The following CAST variants were observed in gnomAD, a reference collection of about 807,000 sequenced individuals.
The protein encoded by CAST is calpastatin, also known as MIR583 host.
A neutral mutation model predicts 119.6 loss-of-function variants in CAST; 76 were observed. The observed-to-expected ratio is 0.64, with a 90% CI of 0.53 to 0.77. The LOEUF (loss-of-function observed/expected upper bound fraction) is 0.77, where lower values mean the gene tolerates loss of function less well. Among genes scored for constraint, CAST ranks in the 30% least tolerant of loss-of-function variants. The pLI is 0.00. For missense variants in CAST, 953 were observed against 946.5 expected, an observed-to-expected ratio of 1.01 and a Z score of -0.09; for synonymous variants, 319 against 331.6, an observed-to-expected ratio of 0.96 and a Z score of 0.41.
the CAST span, among the ~76,000 whole-genome samples, chr5:96,005,320 A>G: frequency 6.6e-6 from 1 of 152,148 alleles, no homozygotes; most frequent in Non-Finnish European, 1.5e-5. Context: ...GAACAAGAGA[A>G]TGGACACTCT....
the CAST span, among the ~76,000 whole-genome samples, chr5:96,469,803 A>C: frequency 2.9e-4 from 43 of 150,228 alleles, no homozygotes; most frequent in Non-Finnish European, 3.6e-4. Context: ...GAAGAGAGAG[A>C]GAGGGAGAGA....
the CAST span, among the ~76,000 whole-genome samples, chr5:96,352,982 T>C: frequency 6.6e-6 from 1 of 152,146 alleles, no homozygotes; most frequent in African/African-American, 2.4e-5. Flanking sequence ...ATTAAACCTC[T>C]TTTCCTTATA....
intron 1 of CAST, among the ~76,000 whole-genome samples, chr5:96,628,074 A>C (rs1747757808): frequency 6.6e-6 from 1 of 152,252 alleles, no homozygotes; most frequent in Non-Finnish European, 1.5e-5. Flanking sequence ...AAATCCTTTT[A>C]AATATTGTTT....
chr5:96,480,449 A>G, the CAST span, among the ~76,000 whole-genome samples: 1 of 152,200 alleles, frequency 6.6e-6, no homozygotes, highest in Non-Finnish European at 1.5e-5. Flanking sequence ...TCCCTGCCAT[A>G]TATTGAAGTA....
At chr5:96,062,938 C>T in the CAST span, among the ~76,000 whole-genome samples, 1 of 152,014 alleles carries the variant, frequency 6.6e-6, no homozygotes, top group East Asian at 1.9e-4. Flanking sequence ...AGAAGAGGGT[C>T]GAGATACAGT....
At position 96,619,757 on chromosome 5, in the gene CAST, G is replaced by GCGAGGGT. The variant is rs577792598; in HGVS notation, c.61-55780_61-55774dup. Among the ~76,000 whole-genome samples, 84 of 150,564 alleles carry GCGAGGGT rather than the reference G, an allele frequency of 5.6e-4. No homozygotes were observed. In the South Asian group the frequency reaches 0.017, roughly 31 times the overall value. ...ATCTTTAAGAAGGGTAACACTCACC[G>GCGAGGGT]CGAGGGTCCGTGGCTTCATTCCTGA... On this transcript the variant is annotated intron_variant, in intron 1 of 11. Transcript: ENST00000505143.
chr5:96,762,781 GA>G (rs1300070090), intron 25 of CAST: 1 of 243,026 alleles, frequency 4.1e-6, no homozygotes, highest in Non-Finnish European at 7.9e-6. Context: ...TTATTTTATG[GA>G]ATCGTCATGT....
chr5:96,305,706 A>T, the CAST span, among the ~76,000 whole-genome samples: 11 of 151,266 alleles, frequency 7.3e-5, no homozygotes, highest in Non-Finnish European at 1.0e-4. Flanking sequence ...ATCTATTGAG[A>T]TAATCCTGTG....
At chr5:96,553,522 C>T (rs926511663) in intron 1 of CAST, among the ~76,000 whole-genome samples, 18 of 152,180 alleles carry the variant, frequency 1.2e-4, no homozygotes, top group African/African-American at 4.3e-4. Context: ...TCTCACCACT[C>T]CTATTCAACA....
the CAST span, among the ~76,000 whole-genome samples, chr5:96,165,129 G>A: frequency 6.6e-6 from 1 of 152,052 alleles, no homozygotes; most frequent in African/African-American, 2.4e-5. Context: ...GACAGGAGGG[G>A]AGAATGCAGC....
At chr5:96,608,785 G>A (rs1054502873) in intron 1 of CAST, among the ~76,000 whole-genome samples, 2 of 152,136 alleles carry the variant, frequency 1.3e-5, no homozygotes, top group Non-Finnish European at 2.9e-5. Context: ...CAATCATAGT[G>A]GAATGTGAAG....
the CAST span, among the ~76,000 whole-genome samples, chr5:95,973,892 G>T: frequency 2.6e-5 from 4 of 152,036 alleles, no homozygotes; most frequent in Non-Finnish European, 4.4e-5. Flanking sequence ...ACTCAGAAGG[G>T]TTGTAGCTAT....
At chr5:96,743,722 A>C (rs779945486) in intron 16 of CAST, 1 of 1,607,930 alleles carries the variant, frequency 6.2e-7, no homozygotes, top group East Asian at 2.2e-5. Flanking sequence ...GAGCAAGAGA[A>C]GCAGTTCGTA....
chr5:96,624,693 C>A (rs1446824261), intron 1 of CAST, among the ~76,000 whole-genome samples: 1 of 152,106 alleles, frequency 6.6e-6, no homozygotes. Context: ...TGGCCATTAA[C>A]AATAAAGAGG....
chr5:95,972,938 C>G, the CAST span: 1 of 152,210 alleles, frequency 6.6e-6, no homozygotes, highest in Non-Finnish European at 1.5e-5. Context: ...ATTAAACCAG[C>G]ACTTTAAATT....
chr5:96,283,965 G>C, the CAST span, among the ~76,000 whole-genome samples: 1 of 152,150 alleles, frequency 6.6e-6, no homozygotes, highest in South Asian at 2.1e-4. Flanking sequence ...GGGTTGGAAG[G>C]AGTCTCAATG....
chr5:96,444,934 C>T, the CAST span, among the ~76,000 whole-genome samples: 2 of 152,126 alleles, frequency 1.3e-5, no homozygotes, highest in African/African-American at 4.8e-5. Flanking sequence ...TGGGAACTGG[C>T]AACTGTGAGT....
At chr5:96,015,571 A>G in the CAST span, among the ~76,000 whole-genome samples, 1 of 152,022 alleles carries the variant, frequency 6.6e-6, no homozygotes, top group African/African-American at 2.4e-5. Context: ...TAATGTGCTG[A>G]TTTTACAGAT....
the CAST span, among the ~76,000 whole-genome samples, chr5:96,136,575 A>G: frequency 1.3e-5 from 2 of 151,926 alleles, no homozygotes; most frequent in Admixed American, 1.3e-4. Context: ...AGGCCACCTC[A>G]GCTGATAAAA....
Sources: gnomAD v4.1 joint callset for allele counts (sites outside exome capture counted in the v4.1 genomes callset) on GRCh38, gnomAD v4.1.1 for gene constraint, MANE v1.5 for transcripts, NCBI Gene and HGNC (gene_info 2026-07-23, HGNC 2026-07-21) for gene names.